The following EEF1AKMT4 variants were observed in gnomAD, a reference collection of about 807,000 sequenced individuals.
EEF1AKMT4 encodes the protein EEF1A lysine methyltransferase 4, also known as eukaryotic translation elongation factor 1 alpha lysine specific methyltransferase 4.
Under a neutral mutation model 23.0 loss-of-function variants are expected in EEF1AKMT4, and 17 were observed. The ratio of observed to expected loss-of-function variants is 0.74; its 90% CI spans 0.51 to 1.11. The LOEUF is 1.11. Among genes scored for constraint, EEF1AKMT4 ranks in the 50% least tolerant of loss-of-function variants. EEF1AKMT4 has a pLI of 0.00. For synonymous variants in EEF1AKMT4, 140 were observed against 141.4 expected (o/e 0.99, Z 0.07); for missense variants, 318 against 333.4 (o/e 0.95, Z 0.36).
intron 1 of EEF1AKMT4, among the ~76,000 whole-genome samples, chr3:184,255,378 A>G (rs915889307): frequency 3.3e-5 from 5 of 152,190 alleles, no homozygotes; most frequent in African/African-American, 1.2e-4. Flanking sequence ...GAACATGGGA[A>G]GGGGCAGCTG....
At chr3:184,255,862 A>G (rs1719775493) in intron 1 of EEF1AKMT4, among the ~76,000 whole-genome samples, 3 of 152,340 alleles carry the variant, frequency 2.0e-5, no homozygotes, top group South Asian at 4.1e-4. Context: ...GCCTGTCTCT[A>G]TTGAAACACT....
chr3:184,251,834 T>C (rs1259838352), intron 1 of EEF1AKMT4, among the ~76,000 whole-genome samples: 1 of 152,258 alleles, frequency 6.6e-6, no homozygotes, highest in Non-Finnish European at 1.5e-5. Context: ...TTTCTGTGCT[T>C]CCATTTTCTC....
At position 184,249,824 on chromosome 3, in the gene EEF1AKMT4, G is replaced by T; in HGVS notation, c.130G>T (p.Asp44Tyr). The T allele has an allele frequency of 6.2e-7, 1 of 1,613,332 alleles. No individual in the cohort carries two copies. Among genetic ancestry groups the T allele is most frequent in the South Asian group, 1.1e-5 (1 of 91,088 alleles). Residue 44 changes from aspartate to tyrosine, a missense_variant, in exon 1 of 3, where the codon GAC becomes TAC. Coordinates refer to ENST00000324557, the MANE Select transcript of EEF1AKMT4 (RefSeq NM_032331.4). ...ADSAPYDWFG[D>Y]FSSFRALLEP... ...TTCTGCCCCCTACGATTGGTTCGGG[G>T]ACTTCTCCTCCTTCCGTGCCCTCCT...
intron 1 of EEF1AKMT4, among the ~76,000 whole-genome samples, chr3:184,252,684 T>C (rs762537757): frequency 6.6e-6 from 1 of 152,132 alleles, no homozygotes; most frequent in Non-Finnish European, 1.5e-5. Flanking sequence ...GGCTCACGCC[T>C]GTAATCCCAC....
intron 1 of EEF1AKMT4, among the ~76,000 whole-genome samples, chr3:184,254,680 CA>C (rs879609496): frequency 3.9e-4 from 48 of 124,194 alleles, no homozygotes; most frequent in Middle Eastern, 4.5e-3. Flanking sequence ...GACTCCGTCT[CA>C]AAAAAAAAAA....
Position 184,249,820 on chromosome 3 carries a change from C to T in EEF1AKMT4, c.126C>T (p.Phe42=), listed in dbSNP as rs1398065705. The T allele has an allele frequency of 1.9e-6, 3 of 1,613,236 alleles. No homozygotes were observed. Among genetic ancestry groups the T allele is most frequent in the Non-Finnish European group, 1.7e-6 (2 of 1,180,010 alleles). The change falls in exon 1 of 3, where the codon TTC becomes TTT. Residue 42 remains phenylalanine (F), a synonymous_variant. Transcript: ENST00000324557. The part of the protein sequence containing the change: ...GAADSAPYDW[F]GDFSSFRALL... ...CCGATTCTGCCCCCTACGATTGGTT[C>T]GGGGACTTCTCCTCCTTCCGTGCCC...
chr3:184,257,907 G>T (rs1386871559), intron 2 of EEF1AKMT4, 151 bp downstream of exon 2: 2 of 982,696 alleles, frequency 2.0e-6, no homozygotes, highest in Non-Finnish European at 2.9e-6. Flanking sequence ...GGGAGGGAAG[G>T]GTTAAGCGGG....
At chr3:184,255,885 C>T (rs911704156) in intron 1 of EEF1AKMT4, among the ~76,000 whole-genome samples, 3 of 152,244 alleles carry the variant, frequency 2.0e-5, no homozygotes, top group African/African-American at 7.2e-5. Flanking sequence ...TCATGTTTTG[C>T]AGCAACTGTC....
Position 184,249,895 on chromosome 3 carries a change from G to A in EEF1AKMT4, c.196+5G>A. ...AGGACCGTATCCTTGTGCTAGGTGG[G>A]TAATCCCGGCGCGGCCCCGCCAGGT... is the stretch of plus-strand genomic sequence containing the variant. On this transcript the variant is annotated splice_donor_5th_base_variant and intron_variant, in intron 1 of 2. Transcript: ENST00000324557. 1.9e-6 allele frequency: 3 copies of A among 1,603,964 alleles called. No homozygotes were observed. The highest frequency in any genetic ancestry group is 2.6e-6 in the Non-Finnish European group (3 of 1,172,530).
At chr3:184,251,611 G>A (rs1486462507) in intron 1 of EEF1AKMT4, among the ~76,000 whole-genome samples, 1 of 152,216 alleles carries the variant, frequency 6.6e-6, no homozygotes, top group Non-Finnish European at 1.5e-5. Flanking sequence ...GCTGAGGCAG[G>A]AGGATCGTTT....
In EEF1AKMT4 at chr3:184,257,635, C is replaced by G. The variant is rs1189960702; in HGVS notation, c.359C>G (p.Pro120Arg). The change falls in exon 2 of 3, where the codon CCC (proline) becomes CGC (arginine). Residue 120 changes from proline to arginine, a missense_variant. Transcript: ENST00000324557. ...ETMDVRKLDF[P>R]SASFDVVLEK... The stretch of plus-strand genomic sequence containing the variant: ...ATGGATGTGCGGAAGCTGGACTTCC[C>G]CAGTGCTTCTTTTGATGTGGTGCTC... 1.2e-6 allele frequency: 2 copies of G among 1,614,056 alleles called. No homozygotes were observed. Among genetic ancestry groups the G allele is most frequent in the African/African-American group, 2.7e-5 (2 of 74,942 alleles).
rs1719793326 is a variant in EEF1AKMT4 at position 184,256,266 on chromosome 3, C to G, written c.197-1207C>G. Among the ~76,000 whole-genome samples, 3 of 80,826 alleles carry G rather than the reference C, an allele frequency of 3.7e-5. No homozygotes were observed. The Admixed American group carries it at 3.7e-4, about 10-fold the overall frequency. 53.0% of individuals were successfully genotyped at this position (80,826 alleles called of 152,430 possible). On this transcript the variant is annotated intron_variant, in intron 1 of 2. Coordinates refer to ENST00000324557, the MANE Select transcript of EEF1AKMT4 (RefSeq NM_032331.4). The stretch of plus-strand genomic sequence containing the variant: ...CAGCCTGGGCAACAAGAGTGAAACT[C>G]CATCTCAAAAAAAAAAAAAAAAAAG...
intron 1 of EEF1AKMT4, among the ~76,000 whole-genome samples, chr3:184,256,582 G>A (rs1005276048): frequency 2.6e-5 from 4 of 152,160 alleles, no homozygotes; most frequent in African/African-American, 7.2e-5. Flanking sequence ...ATGATTTGCC[G>A]TGGCTGTGTG....
chr3:184,250,791 G>T (rs563754475), intron 1 of EEF1AKMT4, among the ~76,000 whole-genome samples: 2 of 152,292 alleles, frequency 1.3e-5, no homozygotes, highest in African/African-American at 4.8e-5. Context: ...TAATTTAGTG[G>T]TTAATAACTT....
At chr3:184,256,251 A>G (rs148258380) in intron 1 of EEF1AKMT4, among the ~76,000 whole-genome samples, 1,499 of 149,572 alleles carry the variant, frequency 0.01, 29 homozygotes, top group African/African-American at 0.036. Context: ...CAGCCTGGGC[A>G]ACAAGAGTGA....
intron 1 of EEF1AKMT4, among the ~76,000 whole-genome samples, chr3:184,256,272 C>CAGAAAAAA (rs1323118764): frequency 1.8e-5 from 1 of 54,206 alleles, no homozygotes; most frequent in African/African-American, 6.6e-5. Context: ...AACTCCATCT[C>CAGAAAAAA]AAAAAAAAAA....
intron 1 of EEF1AKMT4, among the ~76,000 whole-genome samples, chr3:184,253,725 A>C (rs566335733): frequency 6.7e-6 from 1 of 148,250 alleles, no homozygotes; most frequent in African/African-American, 2.5e-5. Context: ...GCTGGAGTGC[A>C]GTGGTGCAAT....
chr3:184,254,300 T>C (rs1719693105), intron 1 of EEF1AKMT4, among the ~76,000 whole-genome samples: 1 of 151,466 alleles, frequency 6.6e-6, no homozygotes, highest in African/African-American at 2.4e-5. Flanking sequence ...AGAGACAGGG[T>C]ATTGCTCTGT....
intron 1 of EEF1AKMT4, among the ~76,000 whole-genome samples, chr3:184,254,171 G>A (rs1189009114): frequency 6.6e-6 from 1 of 152,164 alleles, no homozygotes; most frequent in Non-Finnish European, 1.5e-5. Flanking sequence ...CTATGGCTGA[G>A]ACATCCTCAT....
Sources: allele counts gnomAD v4.1 joint callset (sites outside exome capture counted in the v4.1 genomes callset), GRCh38; gene constraint gnomAD v4.1.1; transcripts MANE v1.5; gene names NCBI Gene and HGNC (gene_info 2026-07-23, HGNC 2026-07-21).